TAF4B: variants seen among roughly 807,000 people sequenced by gnomAD.
TAF4B encodes TATA-box binding protein associated factor 4b.
In TAF4B, 38 loss-of-function variants were observed where a neutral mutation model predicts 86.4. That is an observed-to-expected ratio of 0.44 (90% CI 0.34 to 0.58). The LOEUF (loss-of-function observed/expected upper bound fraction) is 0.58, where lower values mean the gene tolerates loss of function less well. Ranked by LOEUF, TAF4B falls within the 20% of genes least tolerant of loss-of-function variation. The probability of loss-of-function intolerance (pLI) is 0.02; values close to 1 mark genes in which losing one functional copy is unlikely to be tolerated. For missense variants in TAF4B, 988 were observed against 1,027.6 expected, an observed-to-expected ratio of 0.96 and a Z score of 0.53; for synonymous variants, 388 against 391.2, an observed-to-expected ratio of 0.99 and a Z score of 0.10.
rs2056621355 is a variant in TAF4B, at chr18:26,293,434, C to G, written c.1735C>G (p.Leu579Val). The change falls in exon 9 of 15, where the codon CTA (leucine) becomes GTA (valine). Residue 579 changes from leucine to valine, a missense_variant. Physicochemically the swap from Leu to Val is conservative, Grantham distance 32. Transcript: ENST00000269142. ...PTSQFPPASI[L>V]KQITLPGNKI... is the part of the protein sequence containing the mutation. Reference sequence around the variant, plus strand: ...TTGTTTTGTTTTTATAGCTTCCATTCTAAAGCAAATTACTCTGCCTGGAAA... The same window carrying G: ...TTGTTTTGTTTTTATAGCTTCCATTGTAAAGCAAATTACTCTGCCTGGAAA... 6.3e-7 allele frequency: 1 copy of G among 1,592,520 alleles called. No individual in the cohort carries two copies. The highest frequency in any genetic ancestry group is 8.5e-7 in the Non-Finnish European group (1 of 1,173,420).
intron 13 of TAF4B, among the ~76,000 whole-genome samples, chr18:26,352,710 C>G (rs72881835): frequency 0.011 from 1,624 of 152,078 alleles, 20 homozygotes; most frequent in African/African-American, 0.033. Context: ...AAGATGAGAT[C>G]GCATCACTGC....
intron 13 of TAF4B, among the ~76,000 whole-genome samples, chr18:26,346,905 G>GTATA (rs1302095176): frequency 1.3e-4 from 1 of 7,826 alleles, no homozygotes; most frequent in South Asian, 6.6e-3. Context: ...ATATATGTGT[G>GTATA]TGTATATATA....
intron 9 of TAF4B, among the ~76,000 whole-genome samples, chr18:26,297,736 TTATC>T (rs2144625254): frequency 6.6e-6 from 1 of 152,338 alleles, no homozygotes; most frequent in Admixed American, 6.5e-5. Context: ...AATGATCACT[TTATC>T]TGTTGATGGA....
intron 9 of TAF4B, among the ~76,000 whole-genome samples, chr18:26,312,815 T>C (rs1356700141): frequency 6.6e-6 from 1 of 152,182 alleles, no homozygotes; most frequent in Non-Finnish European, 1.5e-5. Flanking sequence ...CAGTTTTACT[T>C]TAAAGCAGGG....
In TAF4B at chr18:26,286,771, C is replaced by T. The variant is rs139572609; in HGVS notation, c.1590+272C>T. Among the ~76,000 whole-genome samples, 54 of 152,246 alleles carry T rather than the reference C, an allele frequency of 3.5e-4. No homozygotes were observed. The East Asian group carries it at 5.4e-3, about 15-fold the overall frequency. On this transcript the variant is annotated intron_variant, in intron 7 of 14. Transcript: ENST00000269142. ...CGATCTCGGCTCACTGTAACCTCCA[C>T]CTCCCAGGTTCAAGCATTTCTCATG...
intron 9 of TAF4B, among the ~76,000 whole-genome samples, chr18:26,312,120 A>G (rs2056859357): frequency 6.6e-6 from 1 of 152,198 alleles, no homozygotes; most frequent in Admixed American, 6.5e-5. Flanking sequence ...TGTCTTTCAC[A>G]GCACCTTCAT....
intron 1 of TAF4B, among the ~76,000 whole-genome samples, chr18:26,252,915 T>C (rs1291596683): frequency 6.6e-6 from 1 of 152,036 alleles, no homozygotes; most frequent in Non-Finnish European, 1.5e-5. Context: ...TATGTATGTA[T>C]AGAAAAAACA....
At chr18:26,239,109 A>G (rs546586084) in intron 1 of TAF4B, among the ~76,000 whole-genome samples, 1 of 152,356 alleles carries the variant, frequency 6.6e-6, no homozygotes, top group South Asian at 2.1e-4. Flanking sequence ...ATACCCAGTA[A>G]TGGGATGGCT....
At chr18:26,352,782 AAATAT>A (rs1408145890) in intron 13 of TAF4B, among the ~76,000 whole-genome samples, 1 of 152,198 alleles carries the variant, frequency 6.6e-6, no homozygotes, top group African/African-American at 2.4e-5. Context: ...CTCCAAAAGC[AAATAT>A]AACAAATAAC....
chr18:26,346,819 GTGTGTATATATATATA>G (rs2057193022), intron 13 of TAF4B, among the ~76,000 whole-genome samples: 2 of 17,796 alleles, frequency 1.1e-4, no homozygotes, highest in Non-Finnish European at 3.4e-4. Context: ...ATATATATGT[GTGTGTATATATATATA>G]TGTGTGTGTG....
intron 1 of TAF4B, among the ~76,000 whole-genome samples, chr18:26,231,034 CTTT>C (rs536863843): frequency 4.5e-4 from 30 of 66,162 alleles, no homozygotes; most frequent in African/African-American, 1.4e-3. Context: ...TGTTGTTTTG[CTTT>C]TTTTTTTTTT....
At chr18:26,240,334 C>G (rs1182297410) in intron 1 of TAF4B, among the ~76,000 whole-genome samples, 4 of 152,118 alleles carry the variant, frequency 2.6e-5, no homozygotes, top group Non-Finnish European at 5.9e-5. Context: ...GTATTTTATT[C>G]TCTTTGAAGC....
intron 13 of TAF4B, among the ~76,000 whole-genome samples, chr18:26,337,279 T>A (rs2144700644): frequency 6.6e-6 from 1 of 152,304 alleles, no homozygotes; most frequent in Non-Finnish European, 1.5e-5. Flanking sequence ...AATATTGTCA[T>A]TTTTGTCATT....
chr18:26,338,691 T>C lies in TAF4B; in HGVS notation c.2316+3460T>C, dbSNP rs368762121. ...TGGGGTTTCTCCATGTTGGTCAGGC[T>C]AGTTTTGAACTCCCGACGTCAGGTG... On this transcript the variant is annotated intron_variant, in intron 13 of 14. Coordinates refer to ENST00000269142, the MANE Select transcript of TAF4B (RefSeq NM_005640.3). Among the ~76,000 whole-genome samples, 7 of 151,978 alleles carry C rather than the reference T, an allele frequency of 4.6e-5. No individual in the cohort carries two copies. The East Asian group carries it at 1.2e-3, about 25-fold the overall frequency.
chr18:26,319,804 G>T (rs1291923021), intron 10 of TAF4B, among the ~76,000 whole-genome samples: 2 of 152,020 alleles, frequency 1.3e-5, no homozygotes, highest in African/African-American at 2.4e-5. Flanking sequence ...TAGTCAGGCT[G>T]GTCTCGAACT....
chr18:26,231,268 C>T (rs1007224262), intron 1 of TAF4B, among the ~76,000 whole-genome samples: 28 of 150,930 alleles, frequency 1.9e-4, no homozygotes, highest in Admixed American at 1.1e-3. Flanking sequence ...GTCTTGAACT[C>T]CCAGCCTCAG....
intron 1 of TAF4B, among the ~76,000 whole-genome samples, chr18:26,263,457 A>G (rs2056197400): frequency 6.6e-6 from 1 of 151,936 alleles, no homozygotes. Context: ...ATATGAAGTG[A>G]TATTTCACTG....
At chr18:26,328,414 C>T (rs554436956) in intron 12 of TAF4B, among the ~76,000 whole-genome samples, 35 of 152,044 alleles carry the variant, frequency 2.3e-4, no homozygotes, top group Non-Finnish European at 4.7e-4. Context: ...CGTGCCACTA[C>T]ACTACAGCCT....
chr18:26,318,640 A>G (rs2056934264), intron 10 of TAF4B, among the ~76,000 whole-genome samples: 1 of 152,240 alleles, frequency 6.6e-6, no homozygotes, highest in African/African-American at 2.4e-5. Context: ...TGCAAGCACC[A>G]ACTAGATCTT....
Sources: gnomAD v4.1 joint callset for allele counts (sites outside exome capture counted in the v4.1 genomes callset) on GRCh38, gnomAD v4.1.1 for gene constraint, MANE v1.5 for transcripts, NCBI Gene and HGNC (gene_info 2026-07-23, HGNC 2026-07-21) for gene names.